CAMK2D: variants seen among roughly 807,000 people sequenced by gnomAD.
CAMK2D encodes calcium/calmodulin-dependent protein kinase type II subunit delta.
CAMK2D carries 37 observed loss-of-function variants against 84.0 expected under a neutral mutation model. The observed-to-expected ratio is 0.44, with a 90% CI of 0.34 to 0.58. The LOEUF is 0.58. CAMK2D is among the 20% of genes least tolerant of loss of function. CAMK2D has a pLI of 0.02. For missense variants in CAMK2D, 448 were observed against 652.5 expected, an observed-to-expected ratio of 0.69 and a Z score of 3.41; for synonymous variants, 202 against 212.5, an observed-to-expected ratio of 0.95 and a Z score of 0.43.
At chr4:113,532,764 T>A (rs2098466543) in intron 7 of CAMK2D, among the ~76,000 whole-genome samples, 1 of 152,188 alleles carries the variant, frequency 6.6e-6, no homozygotes, top group Non-Finnish European at 1.5e-5. Flanking sequence ...TTCATTCTCC[T>A]TCTGAGCCCT....
At chr4:113,714,894 C>G (rs1262224271) in intron 2 of CAMK2D, among the ~76,000 whole-genome samples, 1 of 152,072 alleles carries the variant, frequency 6.6e-6, no homozygotes, top group Non-Finnish European at 1.5e-5. Context: ...ATTTTACCTT[C>G]CCTACATTAT....
At chr4:113,670,499 A>T (rs1024126949) in intron 2 of CAMK2D, among the ~76,000 whole-genome samples, 5 of 152,010 alleles carry the variant, frequency 3.3e-5, no homozygotes, top group Non-Finnish European at 5.9e-5. Context: ...TTCCAATTAT[A>T]CTATTATAGA....
intron 17 of CAMK2D, among the ~76,000 whole-genome samples, chr4:113,463,988 T>C (rs897250476): frequency 3.3e-5 from 5 of 152,222 alleles, no homozygotes; most frequent in Non-Finnish European, 7.3e-5. Context: ...TGAGACTTTA[T>C]AAAAGCTTTC....
intron 4 of CAMK2D, among the ~76,000 whole-genome samples, chr4:113,557,586 T>C (rs1382536623): frequency 6.6e-6 from 1 of 152,228 alleles, no homozygotes; most frequent in Admixed American, 6.5e-5. Flanking sequence ...ATCCTTTCTA[T>C]GTCTTTATGG....
intron 4 of CAMK2D, among the ~76,000 whole-genome samples, chr4:113,568,879 C>T (rs960950287): frequency 1.3e-5 from 2 of 151,906 alleles, no homozygotes; most frequent in African/African-American, 4.8e-5. Flanking sequence ...GCTTATTGGT[C>T]ATTTGTATAT....
At chr4:113,565,566 G>A (rs1054490554) in intron 4 of CAMK2D, among the ~76,000 whole-genome samples, 3 of 150,996 alleles carry the variant, frequency 2.0e-5, no homozygotes, top group African/African-American at 4.9e-5. Flanking sequence ...TAGGAGAATC[G>A]CTCGACCCCG....
intron 2 of CAMK2D, among the ~76,000 whole-genome samples, chr4:113,696,605 C>T (rs187688702): frequency 6.2e-4 from 95 of 152,172 alleles, no homozygotes; most frequent in Non-Finnish European, 1.0e-4. Flanking sequence ...GGGCCAGGAG[C>T]AGCCCTTGCC....
chr4:113,674,418 C>T (rs1446498750), intron 2 of CAMK2D, among the ~76,000 whole-genome samples: 4 of 152,248 alleles, frequency 2.6e-5, no homozygotes, highest in African/African-American at 2.4e-5. Context: ...ATTTAGAACA[C>T]ACATTTGGCA....
At chr4:113,512,083 G>A (rs1041737791) in intron 12 of CAMK2D, among the ~76,000 whole-genome samples, 1 of 152,162 alleles carries the variant, frequency 6.6e-6, no homozygotes, top group Non-Finnish European at 1.5e-5. Flanking sequence ...TCACTGTTAT[G>A]TAAACTGTAT....
intron 5 of CAMK2D, among the ~76,000 whole-genome samples, chr4:113,549,119 TA>T (rs2098605383): frequency 6.6e-6 from 1 of 152,200 alleles, no homozygotes; most frequent in Non-Finnish European, 1.5e-5. Context: ...TATACACATC[TA>T]AACTGTTTAA....
rs545215622 is a variant in CAMK2D at position 113,561,509 on chromosome 4, T to C, written c.276-9413A>G. Among the ~76,000 whole-genome samples, 27 of 152,264 alleles carry C rather than the reference T, an allele frequency of 1.8e-4. No individual in the cohort carries two copies. The South Asian group carries it at 5.6e-3, about 32-fold the overall frequency. On this transcript the variant is annotated intron_variant, in intron 4 of 20. Coordinates refer to ENST00000511664, the MANE Select transcript of CAMK2D (RefSeq NM_001321571.2). ...ATAAAAAGGCTTACAAAAGCTACCT[T>C]TTCCCAAATGTGCTCAACATTCTTT...
chr4:113,488,674 A>T (rs971660143), intron 16 of CAMK2D, among the ~76,000 whole-genome samples: 4 of 152,184 alleles, frequency 2.6e-5, no homozygotes, highest in Non-Finnish European at 4.4e-5. Context: ...ATGCTACATT[A>T]TTTTTGCTGT....
rs1270339685 is a variant in CAMK2D at position 113,759,389 on chromosome 4, A to G, written c.91T>C (p.Cys31Arg). ...GKGAFSVVRR[C>R]MKIPTGQEYA... ...TCTTGTCCAGTAGGAATTTTCATAC[A>G]TCTTCTCACCACTGAGAATGCCCCC... The change falls in exon 2 of 21, where the codon TGT becomes CGT. Residue 31 changes from cysteine to arginine, a missense_variant. Around this residue, in one of 7 missense-constraint regions of CAMK2D, gnomAD observed 44 missense variants for 45.6 expected, o/e 0.96. Transcript: ENST00000511664. The G allele has an allele frequency of 6.2e-7, 1 of 1,608,136 alleles. No individual in the cohort carries two copies. The highest frequency in any genetic ancestry group is 1.1e-5 in the South Asian group (1 of 89,750).
At chr4:113,618,898 G>A (rs939476640) in intron 3 of CAMK2D, among the ~76,000 whole-genome samples, 3 of 152,110 alleles carry the variant, frequency 2.0e-5, no homozygotes, top group Admixed American at 6.6e-5. Flanking sequence ...CTAAGCCTTC[G>A]AGAGAACAGT....
intron 4 of CAMK2D, among the ~76,000 whole-genome samples, chr4:113,568,248 C>T (rs1273288478): frequency 1.3e-5 from 2 of 152,190 alleles, no homozygotes; most frequent in African/African-American, 2.4e-5. Flanking sequence ...TCTCCTCCAG[C>T]ACCTGGTAAC....
intron 3 of CAMK2D, among the ~76,000 whole-genome samples, chr4:113,651,773 A>G (rs1277437248): frequency 1.3e-5 from 2 of 152,158 alleles, no homozygotes; most frequent in African/African-American, 4.8e-5. Context: ...ATGATCAGTA[A>G]GAGAGAAAAG....
chr4:113,615,500 A>G (rs892773889), intron 3 of CAMK2D, among the ~76,000 whole-genome samples: 1 of 152,080 alleles, frequency 6.6e-6, no homozygotes, highest in Non-Finnish European at 1.5e-5. Flanking sequence ...ACTGAAAACT[A>G]AGTTCAAAAT....
At chr4:113,477,373 T>C (rs1212536726) in intron 16 of CAMK2D, among the ~76,000 whole-genome samples, 6 of 152,362 alleles carry the variant, frequency 3.9e-5, no homozygotes, top group African/African-American at 1.4e-4. Flanking sequence ...ACATTGGTAC[T>C]GTATAATCAG....
intron 4 of CAMK2D, among the ~76,000 whole-genome samples, chr4:113,606,485 A>G (rs1273036562): frequency 6.9e-6 from 1 of 145,758 alleles, no homozygotes; most frequent in Non-Finnish European, 1.5e-5. Flanking sequence ...ACAGAGTGAG[A>G]CTCTGTCTCA....
Sources: gnomAD v4.1 joint callset for allele counts (sites outside exome capture counted in the v4.1 genomes callset) on GRCh38, gnomAD v4.1.1 for gene constraint, gnomAD v4.1.1 regional missense constraint, MANE v1.5 for transcripts, NCBI Gene and HGNC (gene_info 2026-07-23, HGNC 2026-07-21) for gene names.